Variants in ABCC9 observed in about 807,000 individuals in gnomAD.
ABCC9 encodes ATP binding cassette subfamily C member 9, also known as ATP-binding cassette sub-family C member 9.
Under a neutral mutation model 188.3 loss-of-function variants are expected in ABCC9, and 95 were observed. That is an observed-to-expected ratio of 0.50 (90% CI 0.43 to 0.60). ABCC9 has a LOEUF of 0.60. Ranked by LOEUF, ABCC9 falls within the 20% of genes least tolerant of loss-of-function variation. ABCC9 has a pLI of 0.00. For synonymous variants in ABCC9, 659 were observed against 652.7 expected (o/e 1.01, Z -0.15); for missense variants, 1,102 against 1,876.3 (o/e 0.59, Z 7.62).
chr12:21,803,547 C>T (rs1316699505), intron 39 of ABCC9, among the ~76,000 whole-genome samples: 10 of 149,696 alleles, frequency 6.7e-5, no homozygotes, highest in African/African-American at 2.2e-4. Context: ...CCCAGCTACT[C>T]GGGAGGCTGA....
chr12:21,889,017 A>G (rs1281994627), intron 14 of ABCC9, among the ~76,000 whole-genome samples: 1 of 152,186 alleles, frequency 6.6e-6, no homozygotes. Context: ...TTTTTTAAAA[A>G]TTTTATTTGA....
intron 26 of ABCC9, 23 bp downstream of exon 26, chr12:21,845,580 A>G (rs1248363736): frequency 6.3e-7 from 1 of 1,599,428 alleles, no homozygotes; most frequent in East Asian, 2.2e-5. Flanking sequence ...GATGATTTAA[A>G]AACAAAACCG....
chr12:21,807,373 C>T lies in ABCC9; in HGVS notation c.4422G>A (p.Glu1474=). The T allele has an allele frequency of 6.2e-7, 1 of 1,613,956 alleles. No individual in the cohort carries two copies. The highest frequency in any genetic ancestry group is 8.5e-7 in the Non-Finnish European group (1 of 1,179,858). Residue 1474 remains glutamate (E), a synonymous_variant, in exon 38 of 40, where the codon GAG becomes GAA. Transcript: ENST00000261200. The part of the protein sequence containing the change: ...VRKSSILIMD[E]ATASIDMATE... ...TGGCCATGTCAATGGAAGCTGTTGC[C>T]TCATCCATAATAAGAATGCTGCTTT...
intron 26 of ABCC9, among the ~76,000 whole-genome samples, chr12:21,845,153 G>A (rs990170744): frequency 1.3e-5 from 2 of 151,972 alleles, no homozygotes; most frequent in African/African-American, 4.8e-5. Flanking sequence ...AGCAGATGAA[G>A]AGAAAGAGTT....
intron 4 of ABCC9, among the ~76,000 whole-genome samples, chr12:21,927,800 G>A (rs1949100530): frequency 6.6e-6 from 1 of 152,168 alleles, no homozygotes; most frequent in Non-Finnish European, 1.5e-5. Flanking sequence ...AAGTAGTATG[G>A]TAGCGCTTAA....
intron 5 of ABCC9, among the ~76,000 whole-genome samples, chr12:21,917,645 C>T (rs571715580): frequency 6.6e-6 from 1 of 152,140 alleles, no homozygotes; most frequent in South Asian, 2.1e-4. Flanking sequence ...TTTAAAACAC[C>T]ACGCACTTTC....
At chr12:21,937,105 A>G (rs1949519251) in intron 2 of ABCC9, among the ~76,000 whole-genome samples, 1 of 152,198 alleles carries the variant, frequency 6.6e-6, no homozygotes. Flanking sequence ...CTGAAAATGT[A>G]CTAATAAACA....
At position 21,800,851 on chromosome 12, in the gene ABCC9, A is replaced by C. The variant is rs1390626139; in HGVS notation, c.*193T>G. 3 of 628,908 alleles carry C rather than the reference A, an allele frequency of 4.8e-6. No individual in the cohort carries two copies. The African/African-American group carries it at 5.5e-5, about 12-fold the overall frequency. 39.0% of individuals were successfully genotyped at this position (628,908 alleles called of 1,614,324 possible). On this transcript the variant is annotated 3_prime_UTR_variant, in exon 40 of 40. Transcript: ENST00000261200. ...CTAGAGTGGCTGGATCACTATAAAA[A>C]CATCAATAATGAACATATTAAGCAA...
In ABCC9 at chr12:21,939,435, G is replaced by A. The variant is rs556982142; in HGVS notation, c.-21+1275C>T. On this transcript the variant is annotated intron_variant, in intron 2 of 39. Transcript: ENST00000261200. Reference sequence around the variant, plus strand: ...TTGATAATTATTGTGTTTATCAAAGGCATTTTATTCAATCCACGTTCCTAA... The same window carrying A: ...TTGATAATTATTGTGTTTATCAAAGACATTTTATTCAATCCACGTTCCTAA... Among the ~76,000 whole-genome samples, 12 of 152,260 alleles carry A rather than the reference G, an allele frequency of 7.9e-5. No individual in the cohort carries two copies. In the South Asian group the frequency reaches 8.3e-4, roughly 11 times the overall value.
intron 4 of ABCC9, 114 bp downstream of exon 4, chr12:21,933,668 G>C (rs1460340297): frequency 1.6e-6 from 2 of 1,271,820 alleles, no homozygotes; most frequent in Non-Finnish European, 2.3e-6. Flanking sequence ...ACATGGATCA[G>C]AGAGCAAAAA....
chr12:21,908,167 A>G lies in ABCC9; in HGVS notation c.1365T>C (p.Ser455=). 6.2e-7 allele frequency: 1 copy of G among 1,612,704 alleles called. No homozygotes were observed. The highest frequency in any genetic ancestry group is 1.1e-5 in the South Asian group (1 of 91,056). Residue 455 remains serine, a synonymous_variant, in exon 11 of 40, where the codon AGT becomes AGC. Coordinates refer to ENST00000261200, the MANE Select transcript of ABCC9 (RefSeq NM_020297.4). ...CAATGACAGCTGCACCGACCAATGC[A>G]CTTGATCCAAGTAAATTATAGAGCA... ...VILLYNLLGS[S]ALVGAAVIVL...
chr12:21,872,775 T>C (rs771156796), intron 17 of ABCC9, 45 bp from the exon 18 acceptor site: 2 of 1,397,084 alleles, frequency 1.4e-6, no homozygotes, highest in South Asian at 2.3e-5. Flanking sequence ...AGATGGATTC[T>C]TGGTGAAATA....
intron 18 of ABCC9, 130 bp from the exon 19 acceptor site, chr12:21,864,607 T>C (rs944322794): frequency 4.3e-6 from 3 of 695,062 alleles, no homozygotes; most frequent in Non-Finnish European, 7.7e-6. Context: ...TGGTTTCTGA[T>C]ATTAATTTCA....
chr12:21,921,136 G>C, intron 5 of ABCC9, among the ~76,000 whole-genome samples: 1 of 152,108 alleles, frequency 6.6e-6, no homozygotes, highest in East Asian at 1.9e-4. Flanking sequence ...TGTTTTTTAA[G>C]GAACCTACAA....
Position 21,894,117 on chromosome 12 carries a change from C to A in ABCC9, c.1717G>T (p.Ala573Ser). 1.9e-6 allele frequency: 3 copies of A among 1,614,062 alleles called. No homozygotes were observed. Among genetic ancestry groups the A allele is most frequent in the Non-Finnish European group, 2.5e-6 (3 of 1,180,002 alleles). ...AGGATATGGAAGAGAGACAGTGAAGCAAAGGCCTCTGCAGGTTTCAGATTG... is the reference window on the plus strand; with the variant it reads ...AGGATATGGAAGAGAGACAGTGAAGAAAAGGCCTCTGCAGGTTTCAGATTG... ...GNNLKPAEAF[A>S]SLSLFHILVT... Residue 573 changes from alanine (A) to serine (S), a missense_variant, in exon 14 of 40, where the codon GCT becomes TCT. Physicochemically the swap from Ala to Ser is moderately conservative, Grantham distance 99. Around this residue, in one of 12 missense-constraint regions of ABCC9, gnomAD observed 258 missense variants for 325.6 expected, o/e 0.79. Coordinates refer to ENST00000261200, the MANE Select transcript of ABCC9 (RefSeq NM_020297.4).
chr12:21,925,888 G>T, intron 5 of ABCC9, 54 bp downstream of exon 5: 2 of 1,566,310 alleles, frequency 1.3e-6, no homozygotes, highest in Non-Finnish European at 1.8e-6. Flanking sequence ...TAACCCTTTG[G>T]GGGGAAAAAC....
At position 21,938,287 on chromosome 12, in the gene ABCC9, T is replaced by C. The variant is rs78664344; in HGVS notation, c.-20-1593A>G. Reference sequence around the variant, plus strand: ...TATAATAAATAGTTGATATGCTCTCTAGTTGAGTCTTTCCCTCATCTTTTT... The same window carrying C: ...TATAATAAATAGTTGATATGCTCTCCAGTTGAGTCTTTCCCTCATCTTTTT... On this transcript the variant is annotated intron_variant, in intron 2 of 39. Coordinates refer to ENST00000261200, the MANE Select transcript of ABCC9 (RefSeq NM_020297.4). 5.7e-3 allele frequency among the ~76,000 whole-genome samples: 869 copies of C among 152,304 alleles called. 11 individuals are homozygous for C. The highest frequency in any genetic ancestry group is 0.02 in the African/African-American group (826 of 41,574).
At chr12:21,931,457 A>G (rs918682790) in intron 4 of ABCC9, among the ~76,000 whole-genome samples, 26 of 152,196 alleles carry the variant, frequency 1.7e-4, no homozygotes, top group African/African-American at 5.8e-4. Context: ...AAAAAGGGTA[A>G]GGAGAAGTCT....
chr12:21,802,933 CAT>C (rs1284078443), intron 39 of ABCC9, among the ~76,000 whole-genome samples: 1 of 152,078 alleles, frequency 6.6e-6, no homozygotes, highest in Admixed American at 6.6e-5. Flanking sequence ...GGAAAAGAAA[CAT>C]ATATGAAATG....
Sources: gnomAD v4.1 joint callset for allele counts (sites outside exome capture counted in the v4.1 genomes callset) on GRCh38, gnomAD v4.1.1 for gene constraint, gnomAD v4.1.1 regional missense constraint, MANE v1.5 for transcripts, NCBI Gene and HGNC (gene_info 2026-07-23, HGNC 2026-07-21) for gene names.